CCDC88B: variants seen among roughly 807,000 people sequenced by gnomAD.
The protein encoded by CCDC88B is coiled-coil and HOOK domain protein 88B, also known as coiled-coil domain-containing protein 88B.
Under a neutral mutation model 183.7 loss-of-function variants are expected in CCDC88B, and 138 were observed. The observed-to-expected ratio is 0.75, with a 90% CI of 0.65 to 0.87. CCDC88B has a LOEUF of 0.87. Ranked by LOEUF, CCDC88B falls within the 40% of genes least tolerant of loss-of-function variation. The probability of loss-of-function intolerance (pLI) is 0.00; values close to 1 mark genes in which losing one functional copy is unlikely to be tolerated. For missense variants in CCDC88B, 1,822 were observed against 1,965.6 expected, an observed-to-expected ratio of 0.93 and a Z score of 1.38; for synonymous variants, 835 against 867.5, an observed-to-expected ratio of 0.96 and a Z score of 0.66.
At chr11:64,351,639 A>C (rs777948153) in intron 18 of CCDC88B, 23 bp downstream of exon 18, 30 of 1,543,994 alleles carry the variant, frequency 1.9e-5, no homozygotes, top group African/African-American at 2.7e-5. Flanking sequence ...CCGGGTGCCC[A>C]TCCCTGCCCA....
At chr11:64,348,051 A>G (rs1164827883) in intron 14 of CCDC88B, among the ~76,000 whole-genome samples, 1 of 2,910 alleles carries the variant, frequency 3.4e-4, no homozygotes, top group Non-Finnish European at 1.2e-3. Flanking sequence ...CTCCGTCTCA[A>G]AAAAAAAAAA....
At position 64,344,392 on chromosome 11, in the gene CCDC88B, G is replaced by A. The variant is rs140789138; in HGVS notation, c.1851G>A (p.Pro617=). Residue 617 remains proline (P), a synonymous_variant, in exon 14 of 27, where the codon CCG becomes CCA. Coordinates refer to ENST00000356786, the MANE Select transcript of CCDC88B (RefSeq NM_032251.6). The surrounding 1 kb of genome is among the most constrained non-coding windows in gnomAD (Gnocchi z 4.5). ...GTCCAGGGACCAAAATTCAGGCCCC[G>A]CAGTTGCTGGGAGGAGAGACAGAGG... ...PQGPGTKIQA[P]QLLGGETEGR... is the part of the protein sequence containing the mutation. 273 of 1,583,538 alleles carry A rather than the reference G, an allele frequency of 1.7e-4. No individual in the cohort carries two copies. The highest frequency in any genetic ancestry group is 2.4e-4 in the Admixed American group (13 of 53,980).
Position 64,344,716 on chromosome 11 carries a change from A to G in CCDC88B, c.2175A>G (p.Ala725=), listed in dbSNP as rs768005013. 3.7e-6 allele frequency: 6 copies of G among 1,614,104 alleles called. No individual in the cohort carries two copies. In the South Asian group the frequency reaches 6.6e-5, roughly 18 times the overall value. The change falls in exon 14 of 27, where the codon GCA becomes GCG. Residue 725 remains alanine (A), a synonymous_variant. Coordinates refer to ENST00000356786, the MANE Select transcript of CCDC88B (RefSeq NM_032251.6). This position sits in a 1 kb window ranked among gnomAD's most constrained non-coding sequence, Gnocchi z 4.5. ...GGGAGAGCCTGGCCAGTGGTGTCGC[A>G]GAGCAGGAGGCCCTCAGGGAGGAGG... ...IPGESLASGV[A]EQEALREEVA... is the part of the protein sequence containing the mutation.
rs778425090 is a variant in CCDC88B at position 64,353,351 on chromosome 11, C to G, written c.3688C>G (p.Leu1230Val). The change falls in exon 22 of 27, where the codon CTA (leucine) becomes GTA (valine). Residue 1230 changes from leucine to valine, a missense_variant and splice_region_variant. Coordinates refer to ENST00000356786, the MANE Select transcript of CCDC88B (RefSeq NM_032251.6). ...CCGAGCCATGGTGCCCCCCTGCCAG[C>G]TATTGACACAGCTGCGAAGTGCCCA... ...SACRLTTQCE[L>V]LTQLRSAQEE... The G allele has an allele frequency of 3.1e-6, 5 of 1,613,066 alleles. No individual in the cohort carries two copies. The African/African-American group carries it at 4.0e-5, about 13-fold the overall frequency.
At chr11:64,348,429 G>A (rs1254964216) in intron 14 of CCDC88B, among the ~76,000 whole-genome samples, 2 of 152,106 alleles carry the variant, frequency 1.3e-5, no homozygotes, top group Admixed American at 6.5e-5. Flanking sequence ...GGGCAGGGCA[G>A]GGGCTGGGCG....
chr11:64,349,747 C>T, intron 16 of CCDC88B, 79 bp downstream of exon 16: 1 of 1,318,708 alleles, frequency 7.6e-7, no homozygotes, highest in Non-Finnish European at 1.1e-6. Context: ...GGTCATCTGT[C>T]CTCCTAGTCT....
chr11:64,340,213 T>C lies in CCDC88B; in HGVS notation c.-54T>C. ...GGATCCCCCACTCGGGGACTTCCTC[T>C]TCCTCTCAGGGCAGGTGCAGCTGCC... On this transcript the variant is annotated 5_prime_UTR_variant, in exon 1 of 27. Coordinates refer to ENST00000356786, the MANE Select transcript of CCDC88B (RefSeq NM_032251.6). 8.6e-7 allele frequency: 1 copy of C among 1,166,686 alleles called. No homozygotes were observed. The highest frequency in any genetic ancestry group is 1.1e-6 in the Non-Finnish European group (1 of 906,420). 72.3% of individuals were successfully genotyped at this position (1,166,686 alleles called of 1,614,324 possible).
Position 64,349,378 on chromosome 11 carries a change from G to A in CCDC88B, c.2664G>A (p.Leu888=). 6.2e-7 allele frequency: 1 copy of A among 1,613,090 alleles called. No individual in the cohort carries two copies. The highest frequency in any genetic ancestry group is 8.5e-7 in the Non-Finnish European group (1 of 1,179,724). Reference sequence around the variant, plus strand: ...GGGGCAAGGAGTTGGGGGACCGGCTGGAGCATTTGCAGCGTGAGCTGGAGC... The same window carrying A: ...GGGGCAAGGAGTTGGGGGACCGGCTAGAGCATTTGCAGCGTGAGCTGGAGC... ...VVRGKELGDR[L]EHLQRELEQA... Residue 888 remains leucine (L), a synonymous_variant, in exon 15 of 27, where the codon CTG becomes CTA. Transcript: ENST00000356786.
intron 24 of CCDC88B, among the ~76,000 whole-genome samples, chr11:64,354,825 A>G (rs1247889923): frequency 3.1e-5 from 1 of 32,338 alleles, no homozygotes; most frequent in Non-Finnish European, 5.4e-5. Context: ...CCCTCCTCTG[A>G]CCCTCTCCCT....
chr11:64,340,877 C>A (rs753491110), intron 2 of CCDC88B, 30 bp from the exon 3 acceptor site: 2 of 1,534,162 alleles, frequency 1.3e-6, no homozygotes, highest in Non-Finnish European at 1.8e-6. Context: ...TGACGGGAGG[C>A]GGGTCCTCGA....
chr11:64,344,684 A>G lies in CCDC88B; in HGVS notation c.2143A>G (p.Ile715Val), dbSNP rs371812403. 27 of 1,614,002 alleles carry G rather than the reference A, an allele frequency of 1.7e-5. No homozygotes were observed. The highest frequency in any genetic ancestry group is 2.7e-5 in the African/African-American group (2 of 74,936). Residue 715 changes from isoleucine (I) to valine (V), a missense_variant, in exon 14 of 27, where the codon ATC (isoleucine) becomes GTC (valine). Physicochemically the swap from Ile to Val is conservative, Grantham distance 29. Transcript: ENST00000356786. The surrounding 1 kb of genome is among the most constrained non-coding windows in gnomAD (Gnocchi z 4.5). ...TGAGGTCCAGGTCTGGGAAGGCCCA[A>G]TCCCAGGGGAGAGCCTGGCCAGTGG... ...ALEVQVWEGPIPGESLASGVA... is the reference protein window; with the variant it reads ...ALEVQVWEGPVPGESLASGVA...
Position 64,343,837 on chromosome 11 carries a change from C to A in CCDC88B, c.1378C>A (p.Arg460=), listed in dbSNP as rs748348228. ...TGAGGTGAGGGAGGCAGAGGCTGGGCGGCTTCGGACCCTTGAGAGGGAGAA... is the reference window on the plus strand; with the variant it reads ...TGAGGTGAGGGAGGCAGAGGCTGGGAGGCTTCGGACCCTTGAGAGGGAGAA... ...QDEVREAEAG[R]LRTLERENRE... The change falls in exon 13 of 27, where the codon CGG becomes AGG. Residue 460 remains arginine, a synonymous_variant. Coordinates refer to ENST00000356786, the MANE Select transcript of CCDC88B (RefSeq NM_032251.6). The A allele has an allele frequency of 6.3e-7, 1 of 1,596,972 alleles. No homozygotes were observed. The highest frequency in any genetic ancestry group is 8.5e-7 in the Non-Finnish European group (1 of 1,172,386).
intron 12 of CCDC88B, 54 bp from the exon 13 acceptor site, chr11:64,343,724 A>T: frequency 1.3e-6 from 2 of 1,528,846 alleles, no homozygotes; most frequent in South Asian, 2.4e-5. Flanking sequence ...TGGGGTGTGT[A>T]TGTGAGGAGC....
In CCDC88B at chr11:64,351,483, T is replaced by C; in HGVS notation, c.2966T>C (p.Met989Thr). 1.9e-6 allele frequency: 3 copies of C among 1,588,152 alleles called. No individual in the cohort carries two copies. The highest frequency in any genetic ancestry group is 2.6e-6 in the Non-Finnish European group (3 of 1,174,322). Residue 989 changes from methionine (M) to threonine (T), a missense_variant, in exon 18 of 27, where the codon ATG becomes ACG. By Grantham distance (81) the Met-to-Thr change is moderately conservative. Coordinates refer to ENST00000356786, the MANE Select transcript of CCDC88B (RefSeq NM_032251.6). ...ACCCCCACTTCTGGGCAGAATGCGA[T>C]GCTGGTGGCAGAGAAGGCAGCTTTG... ...RLIEVERSNA[M>T]LVAEKAALQG...
chr11:64,354,227 A>C, intron 24 of CCDC88B, 57 bp downstream of exon 24: 2 of 1,269,010 alleles, frequency 1.6e-6, no homozygotes, highest in South Asian at 3.2e-5. Context: ...TCTGTCCCCC[A>C]CCTTGGCACC....
In CCDC88B at chr11:64,343,843, C is replaced by CG; in HGVS notation, c.1386dup (p.Thr463AspfsTer3). ...GAGGGAGGCAGAGGCTGGGCGGCTTCGGACCCTTGAGAGGGAGAACCGGGA... is the reference window on the plus strand; with the variant it reads ...GAGGGAGGCAGAGGCTGGGCGGCTTCGGGACCCTTGAGAGGGAGAACCGGGA... On this transcript the variant is annotated frameshift_variant, in exon 13 of 27. Transcript: ENST00000356786. LOFTEE classifies it high-confidence loss of function. 6.2e-7 allele frequency: 1 copy of CG among 1,600,068 alleles called. No homozygotes were observed. The highest frequency in any genetic ancestry group is 1.1e-5 in the South Asian group (1 of 88,960).
chr11:64,344,504 CCCAGCT>C lies in CCDC88B; in HGVS notation c.1965_1970del (p.Ser656_Ser657del), dbSNP rs1410768642. The C allele has an allele frequency of 4.4e-6, 7 of 1,608,452 alleles. No individual in the cohort carries two copies. In the African/African-American group the frequency reaches 9.4e-5, roughly 22 times the overall value. On this transcript the variant is annotated inframe_deletion, in exon 14 of 27. Transcript: ENST00000356786. The surrounding 1 kb of genome is among the most constrained non-coding windows in gnomAD (Gnocchi z 4.5). ...TGAGCACAAGCCAGGGCCTTCGGAGCCCAGCTCTGTGCAGCTGGAGGAGCAGGAGGG... is the reference window on the plus strand; with the variant it reads ...TGAGCACAAGCCAGGGCCTTCGGAGCCTGTGCAGCTGGAGGAGCAGGAGGG...
Position 64,353,407 on chromosome 11 carries a change from A to G in CCDC88B, c.3744A>G (p.Glu1248=), listed in dbSNP as rs754035660. 1.2e-6 allele frequency: 2 copies of G among 1,613,476 alleles called. No individual in the cohort carries two copies. The highest frequency in any genetic ancestry group is 1.7e-6 in the Non-Finnish European group (2 of 1,179,980). The change falls in exon 22 of 27, where the codon GAA becomes GAG. Residue 1248 remains glutamate (E), a synonymous_variant. Transcript: ENST00000356786. ...AGGAGAACCGGCAGCTGCTGGCTGA[A>G]GTTCAGGCCCTGAGCCGGGAGAACA... ...QEEENRQLLA[E]VQALSRENRE... is the part of the protein sequence containing the mutation.
chr11:64,343,248 C>G lies in CCDC88B; in HGVS notation c.1132C>G (p.Arg378Gly), dbSNP rs1306456354. 9 of 1,548,054 alleles carry G rather than the reference C, an allele frequency of 5.8e-6. No homozygotes were observed. Among genetic ancestry groups the G allele is most frequent in the African/African-American group, 4.1e-5 (3 of 73,080 alleles). Residue 378 changes from arginine (R) to glycine (G), a missense_variant, in exon 11 of 27, where the codon CGA (arginine) becomes GGA (glycine). Physicochemically the swap from Arg to Gly is moderately radical, Grantham distance 125 (BLOSUM62 -2). Transcript: ENST00000356786. ...ALLEEQLEAA[R>G]ERCARLHETQ... is the part of the protein sequence containing the mutation. ...GCTGGAAGAGCAGCTGGAGGCTGCC[C>G]GAGAGCGCTGCGCCCGGCTGCACGA...
Sources: allele counts gnomAD v4.1 joint callset (sites outside exome capture counted in the v4.1 genomes callset), GRCh38; gene constraint gnomAD v4.1.1; non-coding constraint Gnocchi (gnomAD v3.1); transcripts MANE v1.5; gene names NCBI Gene and HGNC (gene_info 2026-07-23, HGNC 2026-07-21).